The following DPF2 variants were observed in gnomAD, a reference collection of about 807,000 sequenced individuals.
The protein encoded by DPF2 is double PHD fingers 2, also known as zinc finger protein ubi-d4.
In DPF2, 10 loss-of-function variants were observed where a neutral mutation model predicts 59.6. That is an observed-to-expected ratio of 0.17 (90% CI 0.10 to 0.28). The LOEUF (loss-of-function observed/expected upper bound fraction) is 0.28. Among genes scored for constraint, DPF2 ranks in the 10% least tolerant of loss-of-function variants. The pLI, the probability that DPF2 is intolerant of heterozygous loss-of-function variation, is 1.00. For synonymous variants in DPF2, 189 were observed against 190.6 expected, an observed-to-expected ratio of 0.99 and a Z score of 0.07; for missense variants, 315 against 509.4, an observed-to-expected ratio of 0.62 and a Z score of 3.67.
rs571313265 is a variant in DPF2, at chr11:65,333,884, A to G, written c.-3A>G. On this transcript the variant is annotated 5_prime_UTR_variant, in exon 1 of 11. Transcript: ENST00000528416. ...CTCGGCCCGAGGCAGAGGAACAGGGAAGATGGCGGCTGTGGTGGAGAATGT... is the reference window on the plus strand; with the variant it reads ...CTCGGCCCGAGGCAGAGGAACAGGGGAGATGGCGGCTGTGGTGGAGAATGT... 6.2e-7 allele frequency: 1 copy of G among 1,613,980 alleles called. No homozygotes were observed. The highest frequency in any genetic ancestry group is 2.2e-5 in the East Asian group (1 of 44,864).
At chr11:65,338,401 C>T (rs1854269040) in intron 1 of DPF2, among the ~76,000 whole-genome samples, 1 of 152,254 alleles carries the variant, frequency 6.6e-6, no homozygotes, top group Admixed American at 6.5e-5. Flanking sequence ...GAACATCTCT[C>T]ATTCATTCCC....
chr11:65,351,484 A>G (rs1205329077), intron 10 of DPF2, among the ~76,000 whole-genome samples, 199 bp from the exon 11 acceptor site: 2 of 152,214 alleles, frequency 1.3e-5, no homozygotes, highest in African/African-American at 4.8e-5. Flanking sequence ...TCATCTCCAT[A>G]GAGGATGATA....
intron 4 of DPF2, 59 bp downstream of exon 4, chr11:65,341,621 G>A (rs1270865127): frequency 6.2e-7 from 1 of 1,600,572 alleles, no homozygotes; most frequent in African/African-American, 1.3e-5. Flanking sequence ...CCTCTTCACT[G>A]GGGGCCACCT....
At chr11:65,337,412 C>T (rs1427080772) in intron 1 of DPF2, among the ~76,000 whole-genome samples, 1 of 136,400 alleles carries the variant, frequency 7.3e-6, no homozygotes, top group African/African-American at 2.8e-5. Context: ...GAGATTGCAC[C>T]ACTGCATTCT....
chr11:65,341,308 C>G, intron 3 of DPF2, 91 bp from the exon 4 acceptor site: 1 of 1,557,298 alleles, frequency 6.4e-7, no homozygotes, highest in Admixed American at 1.8e-5. Flanking sequence ...AAGATAGTGA[C>G]AGACCTTTGG....
In DPF2 at chr11:65,348,932, G is replaced by GT. The variant is rs2137711145; in HGVS notation, c.1099+2dup. 1 of 1,614,152 alleles carries GT rather than the reference G, an allele frequency of 6.2e-7. No homozygotes were observed. The highest frequency in any genetic ancestry group is 8.5e-7 in the Non-Finnish European group (1 of 1,180,024). ...CCGTCCATGTCTGAGCCCCCTGAAG[G>GT]TAAGTTGCCCAGATCTTTTACTCAG... is the stretch of plus-strand genomic sequence containing the variant. On this transcript the variant is annotated splice_donor_variant, in intron 10 of 10. Coordinates refer to ENST00000528416, the MANE Select transcript of DPF2 (RefSeq NM_006268.5). LOFTEE classifies it high-confidence loss of function.
chr11:65,341,339 A>C, intron 3 of DPF2, 60 bp from the exon 4 acceptor site: 1 of 1,606,422 alleles, frequency 6.2e-7, no homozygotes, highest in South Asian at 1.1e-5. Flanking sequence ...CATTATGTGG[A>C]CTCAGAGCAG....
intron 8 of DPF2, 71 bp from the exon 9 acceptor site, chr11:65,346,176 G>A (rs1854522025): frequency 1.3e-6 from 2 of 1,598,086 alleles, no homozygotes; most frequent in South Asian, 2.2e-5. Flanking sequence ...AGAAGATGTA[G>A]CCACAGGCAG....
intron 6 of DPF2, chr11:65,344,670 C>G: frequency 6.6e-7 from 1 of 1,522,388 alleles, no homozygotes; most frequent in Non-Finnish European, 8.8e-7. Context: ...CCCTTTTTCC[C>G]TCTTCCCTTG....
At chr11:65,340,338 A>G (rs749330822) in intron 1 of DPF2, 47 bp from the exon 2 acceptor site, 19 of 1,601,716 alleles carry the variant, frequency 1.2e-5, no homozygotes, top group Admixed American at 1.2e-4. Flanking sequence ...TCAGCACCCT[A>G]TGCCCCCCGC....
At chr11:65,351,118 T>G (rs1854685415) in intron 10 of DPF2, among the ~76,000 whole-genome samples, 1 of 152,192 alleles carries the variant, frequency 6.6e-6, no homozygotes, top group African/African-American at 2.4e-5. Context: ...AGAAAGGACT[T>G]ACATTTTTGA....
rs1489612280 is a variant in DPF2, at chr11:65,352,133, G to A, written c.*374G>A. 1 of 233,550 alleles carries A rather than the reference G, an allele frequency of 4.3e-6. No homozygotes were observed. The highest frequency in any genetic ancestry group is 8.5e-6 in the Non-Finnish European group (1 of 117,168). 14.5% of individuals were successfully genotyped at this position (233,550 alleles called of 1,614,324 possible). A position where few individuals can be genotyped will look rare whatever the true frequency, so the allele number is the denominator to read the frequency against. On this transcript the variant is annotated 3_prime_UTR_variant, in exon 11 of 11. Coordinates refer to ENST00000528416, the MANE Select transcript of DPF2 (RefSeq NM_006268.5). ...TTCTCTGTGTTCTGCCTCCCCTCTG[G>A]TCTCCAGAGTTTTCCTGTCCTCTAG...
intron 8 of DPF2, 42 bp downstream of exon 8, chr11:65,346,100 A>G (rs752185421): frequency 4.3e-6 from 7 of 1,611,282 alleles, no homozygotes; most frequent in African/African-American, 2.7e-5. Context: ...CCAGTCCCCA[A>G]GGGGCTCTTG....
At position 65,343,777 on chromosome 11, in the gene DPF2, C is replaced by A. The variant is rs541651732; in HGVS notation, c.498C>A (p.Asp166Glu). Residue 166 changes from aspartate to glutamate, a missense_variant, in exon 5 of 11, where the codon GAC (aspartate) becomes GAA (glutamate). Asp to Glu is a conservative substitution (Grantham distance 45). Around this residue, in one of 4 missense-constraint regions of DPF2, gnomAD observed 228 missense variants for 275.3 expected, o/e 0.83. Transcript: ENST00000528416. ...TAGAACCAGATGACTTCCTGGATGA[C>A]CTCGATGATGAAGACTATGAAGAAG... ...RILEPDDFLD[D>E]LDDEDYEEDT... The A allele has an allele frequency of 6.3e-7, 1 of 1,598,424 alleles. No homozygotes were observed. The highest frequency in any genetic ancestry group is 1.1e-5 in the South Asian group (1 of 88,626).
chr11:65,341,613 T>C, intron 4 of DPF2, 51 bp downstream of exon 4: 1 of 1,604,866 alleles, frequency 6.2e-7, no homozygotes, highest in Non-Finnish European at 8.5e-7. Context: ...ATCAGCCTCC[T>C]CTTCACTGGG....
chr11:65,349,026 C>G (rs1018817721), intron 10 of DPF2, 95 bp downstream of exon 10: 95 of 1,426,152 alleles, frequency 6.7e-5, no homozygotes, highest in Non-Finnish European at 9.1e-5. Flanking sequence ...CTTACATATT[C>G]TTCCAAATTA....
At chr11:65,337,899 G>T (rs1283708347) in intron 1 of DPF2, among the ~76,000 whole-genome samples, 1 of 152,018 alleles carries the variant, frequency 6.6e-6, no homozygotes, top group Non-Finnish European at 1.5e-5. Context: ...CCGCCTCCCA[G>T]GTTCAAGCAA....
At chr11:65,340,572 G>A (rs771613787) in intron 2 of DPF2, 27 bp downstream of exon 2, 2 of 1,612,536 alleles carry the variant, frequency 1.2e-6, no homozygotes, top group South Asian at 1.1e-5. Context: ...GGGAGAAGGG[G>A]ACTCAGGAGC....
intron 1 of DPF2, among the ~76,000 whole-genome samples, chr11:65,337,450 C>T: frequency 3.3e-5 from 1 of 29,922 alleles, no homozygotes; most frequent in East Asian, 7.7e-4. Flanking sequence ...AAGACTCTAT[C>T]TCAAAAAAAA....
Sources: allele counts gnomAD v4.1 joint callset (sites outside exome capture counted in the v4.1 genomes callset), GRCh38; gene constraint gnomAD v4.1.1; regional missense constraint gnomAD v4.1.1; transcripts MANE v1.5; gene names NCBI Gene and HGNC (gene_info 2026-07-23, HGNC 2026-07-21).